Variants in MSI2 observed in about 807,000 individuals in gnomAD.
MSI2 encodes musashi RNA binding protein 2, also known as RNA-binding protein Musashi homolog 2.
Under a neutral mutation model 45.6 loss-of-function variants are expected in MSI2, and 17 were observed. That is an observed-to-expected ratio of 0.37 (90% confidence interval 0.26 to 0.56). MSI2 has a LOEUF of 0.56. Among genes scored for constraint, MSI2 ranks in the 20% least tolerant of loss-of-function variants. The pLI is 0.77. For missense variants in MSI2, 293 were observed against 444.2 expected (o/e 0.66, Z 3.06); for synonymous variants, 156 against 158.2 (o/e 0.99, Z 0.11).
At chr17:57,259,768 T>G (rs1907138063) in intron 4 of MSI2, among the ~76,000 whole-genome samples, 1 of 151,680 alleles carries the variant, frequency 6.6e-6, no homozygotes, top group South Asian at 2.1e-4. Context: ...AAGAGGAAAA[T>G]CTTTTCAAGG....
intron 5 of MSI2, chr17:57,264,479 C>T (rs1312593599): frequency 6.6e-6 from 1 of 152,216 alleles, no homozygotes; most frequent in Non-Finnish European, 1.5e-5. Flanking sequence ...CCCCAGAGTG[C>T]TGGGATTATA....
Position 57,411,779 on chromosome 17 carries a change from C to T in MSI2, c.405+10308C>T, listed in dbSNP as rs192350707. On this transcript the variant is annotated intron_variant, in intron 6 of 13. Coordinates refer to ENST00000284073, the MANE Select transcript of MSI2 (RefSeq NM_138962.4). The stretch of plus-strand genomic sequence containing the variant: ...ATCCCAGCACTTTGGGAGGCTGAGG[C>T]GGGTGGATCATGAGGTTAGGAGTTT... 1.1e-3 allele frequency among the ~76,000 whole-genome samples: 165 copies of T among 152,088 alleles called. 1 individual carries two copies. The highest frequency in any genetic ancestry group is 3.9e-3 in the African/African-American group (161 of 41,506).
rs895239528 is a variant in MSI2 at position 57,681,505 on chromosome 17, C to T, written c.*1988C>T. ...TTATAAATTTTACTAACAAAGTAGA[C>T]TAATGTAGACATTCACAGACATGGT... On this transcript the variant is annotated 3_prime_UTR_variant, in exon 14 of 14. Coordinates refer to ENST00000284073, the MANE Select transcript of MSI2 (RefSeq NM_138962.4). The T allele has an allele frequency of 1.6e-5, 3 of 181,844 alleles. No individual in the cohort carries two copies. The highest frequency in any genetic ancestry group is 7.1e-5 in the African/African-American group (3 of 42,442). The allele number at this position is 181,844 out of a possible 1,614,324, so 11.3% of individuals were successfully genotyped here.
Position 57,682,798 on chromosome 17 carries a change from G to C in MSI2, c.*3281G>C, listed in dbSNP as rs894118020. On this transcript the variant is annotated 3_prime_UTR_variant, in exon 14 of 14. Transcript: ENST00000284073. ...CCCGGAATTATCAAACAGCCACCGGGTGACTTTCTGGCTTCCAGATCCATC... is the reference window on the plus strand; with the variant it reads ...CCCGGAATTATCAAACAGCCACCGGCTGACTTTCTGGCTTCCAGATCCATC... 3 of 224,140 alleles carry C rather than the reference G, an allele frequency of 1.3e-5. No homozygotes were observed. The highest frequency in any genetic ancestry group is 5.7e-5 in the Admixed American group (1 of 17,418). The allele number at this position is 224,140 out of a possible 1,614,324, so 13.9% of individuals were successfully genotyped here. A position where few individuals can be genotyped will look rare whatever the true frequency, so the allele number is the denominator to read the frequency against.
chr17:57,484,262 C>T (rs914070717), intron 6 of MSI2, among the ~76,000 whole-genome samples: 4 of 152,210 alleles, frequency 2.6e-5, no homozygotes, highest in African/African-American at 9.6e-5. Flanking sequence ...CATCTTCTCC[C>T]TCCACCTCTA....
intron 7 of MSI2, among the ~76,000 whole-genome samples, chr17:57,546,628 G>A (rs1221862012): frequency 3.3e-5 from 5 of 152,172 alleles, no homozygotes; most frequent in African/African-American, 9.7e-5. Context: ...AGCCAGGGAC[G>A]ACCAGGCTGT....
chr17:57,496,970 A>G (rs891283084), intron 6 of MSI2, among the ~76,000 whole-genome samples: 3 of 152,084 alleles, frequency 2.0e-5, no homozygotes, highest in Non-Finnish European at 4.4e-5. Context: ...AAGTGTTTCT[A>G]TTGGACCCTT....
intron 5 of MSI2, among the ~76,000 whole-genome samples, chr17:57,281,762 G>A (rs1909441693): frequency 2.0e-5 from 3 of 152,188 alleles, no homozygotes; most frequent in Admixed American, 2.0e-4. Flanking sequence ...GGCCTTTTGT[G>A]TAAAAAGGGC....
In MSI2 at chr17:57,683,281, A is replaced by G; in HGVS notation, c.*3764A>G. The stretch of plus-strand genomic sequence containing the variant: ...GGTTCTAATGACCTGAAAGGTGTTC[A>G]GTTTTTGTTCTTGGTTTTGTTTTGT... On this transcript the variant is annotated 3_prime_UTR_variant, in exon 14 of 14. Transcript: ENST00000284073. This position sits in a 1 kb window ranked among gnomAD's most constrained non-coding sequence, Gnocchi z 5.2. The G allele has an allele frequency of 4.3e-6, 1 of 230,294 alleles. No individual in the cohort carries two copies. The highest frequency in any genetic ancestry group is 8.6e-6 in the Non-Finnish European group (1 of 116,310). 14.3% of individuals were successfully genotyped at this position (230,294 alleles called of 1,614,324 possible).
At chr17:57,312,009 T>G (rs1912441284) in intron 5 of MSI2, among the ~76,000 whole-genome samples, 1 of 152,208 alleles carries the variant, frequency 6.6e-6, no homozygotes, top group Admixed American at 6.5e-5. Context: ...GGTATTGCCT[T>G]TTGATACCTG....
chr17:57,536,001 C>T (rs2086912467), intron 7 of MSI2, among the ~76,000 whole-genome samples: 1 of 152,064 alleles, frequency 6.6e-6, no homozygotes, highest in Non-Finnish European at 1.5e-5. Flanking sequence ...TTGAAATTGA[C>T]CTCTGAAGTC....
intron 8 of MSI2, among the ~76,000 whole-genome samples, chr17:57,614,027 G>A (rs550279408): frequency 2.0e-5 from 3 of 152,122 alleles, no homozygotes; most frequent in Admixed American, 6.5e-5. Context: ...ACCCATAGAG[G>A]TTCCTTTTTT....
intron 6 of MSI2, among the ~76,000 whole-genome samples, chr17:57,498,003 G>A (rs1407348216): frequency 6.6e-6 from 1 of 152,164 alleles, no homozygotes; most frequent in African/African-American, 2.4e-5. Context: ...GGGAACATGT[G>A]GGATTTTCTT....
intron 5 of MSI2, among the ~76,000 whole-genome samples, chr17:57,346,454 CG>C (rs1915619683): frequency 6.6e-6 from 1 of 151,412 alleles, no homozygotes; most frequent in African/African-American, 2.4e-5. Flanking sequence ...CTGAGCCTTC[CG>C]GGGGTTTGAG....
intron 6 of MSI2, among the ~76,000 whole-genome samples, chr17:57,458,117 T>G (rs979740038): frequency 1.3e-5 from 2 of 149,806 alleles, no homozygotes; most frequent in Non-Finnish European, 3.0e-5. Flanking sequence ...TTTTTTTTTT[T>G]GGAGATGGAG....
rs186635361 is a variant in MSI2 at position 57,400,890 on chromosome 17, G to A, written c.313-489G>A. Reference sequence around the variant, plus strand: ...TTGCAGGGTGGTCTCCAGGTGCGAGGTCAGCGTCTGTGTTGCTTGCAGACG... The same window carrying A: ...TTGCAGGGTGGTCTCCAGGTGCGAGATCAGCGTCTGTGTTGCTTGCAGACG... On this transcript the variant is annotated intron_variant, in intron 5 of 13. Transcript: ENST00000284073. Among the ~76,000 whole-genome samples the A allele has an allele frequency of 1.0e-3, 159 of 152,216 alleles. 3 individuals carry two copies. The highest frequency in any genetic ancestry group is 1.9e-4 in the East Asian group (1 of 5,164).
chr17:57,630,140 G>C (rs1380054835), intron 10 of MSI2: 1 of 150,280 alleles, frequency 6.7e-6, no homozygotes, highest in East Asian at 2.1e-4. Flanking sequence ...GGGTCCCCTG[G>C]GTGCCCAGCC....
intron 5 of MSI2, chr17:57,265,619 A>G (rs527403293): frequency 2.4e-4 from 36 of 152,338 alleles, no homozygotes; most frequent in Admixed American, 1.6e-3. Context: ...AAATGTTCAC[A>G]TCTCAAGTGA....
chr17:57,407,020 G>T lies in MSI2; in HGVS notation c.405+5549G>T, dbSNP rs2084095233. 6.6e-6 allele frequency: 1 copy of T among 152,214 alleles called. No homozygotes were observed. The highest frequency in any genetic ancestry group is 6.5e-5 in the Admixed American group (1 of 15,276). 9.4% of individuals were successfully genotyped at this position (152,214 alleles called of 1,614,324 possible). A position where few individuals can be genotyped will look rare whatever the true frequency, so the allele number is the denominator to read the frequency against. On this transcript the variant is annotated intron_variant, in intron 6 of 13. Transcript: ENST00000284073. This position sits in a 1 kb window ranked among gnomAD's most constrained non-coding sequence, Gnocchi z 4.1. Reference sequence around the variant, plus strand: ...AGCTCTTGAGGTCTCGTCAAAGTGGGAGATCGCTGTGGAAACCAGGTGAAA... The same window carrying T: ...AGCTCTTGAGGTCTCGTCAAAGTGGTAGATCGCTGTGGAAACCAGGTGAAA...
Sources: allele counts gnomAD v4.1 joint callset (sites outside exome capture counted in the v4.1 genomes callset), GRCh38; gene constraint gnomAD v4.1.1; non-coding constraint Gnocchi (gnomAD v3.1); transcripts MANE v1.5; gene names NCBI Gene and HGNC (gene_info 2026-07-23, HGNC 2026-07-21).